The following ITPR2 variants were observed in gnomAD, a reference collection of about 807,000 sequenced individuals.
ITPR2 encodes inositol 1,4,5-trisphosphate-gated calcium channel ITPR2.
In ITPR2, 207 loss-of-function variants were observed where a neutral mutation model predicts 317.1. That is an observed-to-expected ratio of 0.65 (90% CI 0.58 to 0.73). The LOEUF (loss-of-function observed/expected upper bound fraction) is 0.73. ITPR2 is among the 30% of genes least tolerant of loss of function. The pLI, the probability that ITPR2 is intolerant of heterozygous loss-of-function variation, is 0.00. For missense variants in ITPR2, 2,613 were observed against 3,284.0 expected (o/e 0.80, Z 4.99); for synonymous variants, 1,156 against 1,149.1 (o/e 1.01, Z -0.12).
intron 2 of ITPR2, among the ~76,000 whole-genome samples, chr12:26,788,056 G>GGGA (rs1286431927): frequency 2.0e-5 from 3 of 151,598 alleles, no homozygotes; most frequent in African/African-American, 7.3e-5. Context: ...CTGAGTGGCT[G>GGGA]GGATTACAGG....
At chr12:26,421,001 G>GT (rs1226170695) in intron 49 of ITPR2, among the ~76,000 whole-genome samples, 4 of 152,126 alleles carry the variant, frequency 2.6e-5, no homozygotes, top group South Asian at 4.1e-4. Context: ...AATTGGAGTC[G>GT]TGAGTTTTCA....
chr12:26,450,055 AC>A (rs2136756200), intron 45 of ITPR2, among the ~76,000 whole-genome samples: 1 of 152,240 alleles, frequency 6.6e-6, no homozygotes, highest in South Asian at 2.1e-4. Flanking sequence ...ATGTAATGAC[AC>A]AGGAGAGACT....
At chr12:26,717,431 A>G (rs903624540) in intron 5 of ITPR2, among the ~76,000 whole-genome samples, 2 of 152,246 alleles carry the variant, frequency 1.3e-5, no homozygotes, top group African/African-American at 4.8e-5. Flanking sequence ...AGAAGCCTCA[A>G]GCTCACCAAC....
intron 10 of ITPR2, 52 bp downstream of exon 10, chr12:26,695,554 A>G: frequency 6.7e-7 from 1 of 1,484,556 alleles, no homozygotes; most frequent in Non-Finnish European, 9.4e-7. Flanking sequence ...CTATCCATAT[A>G]AAATAATAAC....
intron 2 of ITPR2, among the ~76,000 whole-genome samples, chr12:26,746,798 T>C (rs146716073): frequency 6.6e-5 from 10 of 150,452 alleles, no homozygotes; most frequent in Non-Finnish European, 3.0e-5. Context: ...AGAGCACAAG[T>C]GTTCTCTTAT....
At chr12:26,771,534 A>G (rs954076051) in intron 2 of ITPR2, among the ~76,000 whole-genome samples, 1 of 152,082 alleles carries the variant, frequency 6.6e-6, no homozygotes, top group Non-Finnish European at 1.5e-5. Context: ...TGTTTTTTTG[A>G]AACGGAGTCT....
At chr12:26,641,609 T>C (rs1331429794) in intron 21 of ITPR2, among the ~76,000 whole-genome samples, 1 of 152,200 alleles carries the variant, frequency 6.6e-6, no homozygotes, top group Non-Finnish European at 1.5e-5. Context: ...CACGCTGGAC[T>C]GCAATAAGGA....
intron 1 of ITPR2, among the ~76,000 whole-genome samples, chr12:26,798,977 T>C (rs1056823696): frequency 1.3e-5 from 2 of 152,264 alleles, no homozygotes; most frequent in Admixed American, 6.5e-5. Flanking sequence ...TGTGGTTTTA[T>C]TGATTTTTAA....
At chr12:26,477,061 G>A (rs868711042) in intron 43 of ITPR2, 54 bp from the exon 44 acceptor site, 5 of 1,121,284 alleles carry the variant, frequency 4.5e-6, no homozygotes, top group Admixed American at 1.9e-5. Flanking sequence ...ATGGATTAAC[G>A]ATTTCTCTGC....
In ITPR2 at chr12:26,665,995, T is replaced by C; in HGVS notation, c.1466A>G (p.Asn489Ser). The change falls in exon 14 of 57, where the codon AAT (asparagine) becomes AGT (serine). Residue 489 changes from asparagine to serine, a missense_variant. Transcript: ENST00000381340. ...AACCACATCCAGAACTTCTTGTCCA[T>C]TATTAGGCACATCAGCAACAAAGAA... ...LIFFVADVPN[N>S]GQEVLDVVIT... 6.2e-7 allele frequency: 1 copy of C among 1,613,494 alleles called. No individual in the cohort carries two copies. Among genetic ancestry groups the C allele is most frequent in the Non-Finnish European group, 8.5e-7 (1 of 1,179,480 alleles).
chr12:26,501,934 G>A (rs925706865), intron 37 of ITPR2, among the ~76,000 whole-genome samples: 4 of 152,142 alleles, frequency 2.6e-5, no homozygotes, highest in Admixed American at 2.0e-4. Flanking sequence ...AAAATTAAAT[G>A]TTTAAACAGT....
intron 2 of ITPR2, among the ~76,000 whole-genome samples, chr12:26,729,673 C>T (rs570646740): frequency 2.6e-5 from 4 of 152,110 alleles, no homozygotes; most frequent in Admixed American, 6.6e-5. Context: ...GAGCTGGAGG[C>T]CATTATCCCT....
chr12:26,419,925 G>C (rs1028376843), intron 49 of ITPR2: 2 of 151,846 alleles, frequency 1.3e-5, no homozygotes, highest in African/African-American at 4.8e-5. Flanking sequence ...ATATACCTGA[G>C]TTAAAATAAA....
intron 2 of ITPR2, among the ~76,000 whole-genome samples, chr12:26,766,063 G>T (rs1425959118): frequency 6.6e-6 from 1 of 152,138 alleles, no homozygotes; most frequent in Non-Finnish European, 1.5e-5. Flanking sequence ...CATTTGGGTT[G>T]TTTCCACTTC....
At chr12:26,507,188 C>G (rs1943211405) in intron 37 of ITPR2, among the ~76,000 whole-genome samples, 1 of 152,108 alleles carries the variant, frequency 6.6e-6, no homozygotes, top group African/African-American at 2.4e-5. Context: ...AGAGAGAAAA[C>G]TATGAGACAA....
intron 2 of ITPR2, among the ~76,000 whole-genome samples, chr12:26,740,355 A>C (rs968845083): frequency 2.6e-5 from 4 of 152,214 alleles, no homozygotes; most frequent in South Asian, 2.1e-4. Context: ...GTGAGCTCAT[A>C]ATTATTTTTG....
intron 55 of ITPR2, among the ~76,000 whole-genome samples, chr12:26,346,388 C>T (rs146265168): frequency 1.3e-5 from 2 of 152,224 alleles, no homozygotes; most frequent in African/African-American, 2.4e-5. Context: ...TTTGGGAGGC[C>T]GAGGTGGGCA....
At chr12:26,580,394 C>A (rs1235128970) in intron 32 of ITPR2, among the ~76,000 whole-genome samples, 1 of 152,082 alleles carries the variant, frequency 6.6e-6, no homozygotes, top group African/African-American at 2.4e-5. Context: ...TTTCACAGAC[C>A]CCCAGCCTCT....
intron 21 of ITPR2, among the ~76,000 whole-genome samples, chr12:26,633,551 G>C (rs7135434): frequency 9.8e-4 from 149 of 152,348 alleles, no homozygotes; most frequent in African/African-American, 3.3e-3. Context: ...TAATTTCCAA[G>C]TTCGGACAAA....
Sources: gnomAD v4.1 joint callset for allele counts (sites outside exome capture counted in the v4.1 genomes callset) on GRCh38, gnomAD v4.1.1 for gene constraint, MANE v1.5 for transcripts, NCBI Gene and HGNC (gene_info 2026-07-23, HGNC 2026-07-21) for gene names.